SRPK2: variants seen among roughly 807,000 people sequenced by gnomAD.
The protein encoded by SRPK2 is SFRS protein kinase 2.
In SRPK2, 21 loss-of-function variants were observed where a neutral mutation model predicts 90.8. That is an observed-to-expected ratio of 0.23 (90% CI 0.16 to 0.33). SRPK2 has a LOEUF of 0.33. Ranked by LOEUF, SRPK2 falls within the 10% of genes least tolerant of loss-of-function variation. SRPK2 has a pLI of 1.00. For missense variants in SRPK2, 620 were observed against 869.0 expected, an observed-to-expected ratio of 0.71 and a Z score of 3.60; for synonymous variants, 288 against 311.1, an observed-to-expected ratio of 0.93 and a Z score of 0.78.
chr7:105,371,443 A>G (rs1421817525), intron 2 of SRPK2, among the ~76,000 whole-genome samples: 3 of 151,322 alleles, frequency 2.0e-5, no homozygotes, highest in African/African-American at 7.3e-5. Flanking sequence ...TGTCAGTATC[A>G]TATATGAATT....
chr7:105,295,345 T>C (rs1662052835), intron 2 of SRPK2, among the ~76,000 whole-genome samples: 1 of 151,770 alleles, frequency 6.6e-6, no homozygotes, highest in African/African-American at 2.4e-5. Context: ...ACATATTATA[T>C]AAATATTTTT....
chr7:105,228,231 GA>G (rs1360338366), intron 2 of SRPK2, among the ~76,000 whole-genome samples: 1 of 152,098 alleles, frequency 6.6e-6, no homozygotes, highest in Non-Finnish European at 1.5e-5. Flanking sequence ...ACAAAGACTG[GA>G]AAAATCTCAG....
At chr7:105,167,643 C>A (rs2129585920) in intron 5 of SRPK2, among the ~76,000 whole-genome samples, 179 bp from the exon 6 acceptor site, 1 of 152,114 alleles carries the variant, frequency 6.6e-6, no homozygotes, top group East Asian at 1.9e-4. Context: ...CAGAGTCTTG[C>A]TCTATCGCCC....
At position 105,167,419 on chromosome 7, in the gene SRPK2, G is replaced by C; in HGVS notation, c.472C>G (p.Gln158Glu). The change falls in exon 6 of 16, where the codon CAG (glutamine) becomes GAG (glutamate). Residue 158 changes from glutamine (Q) to glutamate (E), a missense_variant. Gln to Glu is a conservative substitution (Grantham distance 29). Coordinates refer to ENST00000393651, the MANE Select transcript of SRPK2 (RefSeq NM_182692.3). ...PSDPNKDMVV[Q>E]LIDDFKISGM... ...GAAATCTTGAAGTCGTCAATGAGCT[G>C]GACCACCATGTCTTTGTTTGGGTCA... 6.2e-7 allele frequency: 1 copy of C among 1,613,622 alleles called. No homozygotes were observed. Among genetic ancestry groups the C allele is most frequent in the Non-Finnish European group, 8.5e-7 (1 of 1,179,700 alleles).
At chr7:105,293,837 A>C (rs1018736650) in intron 2 of SRPK2, among the ~76,000 whole-genome samples, 5 of 152,200 alleles carry the variant, frequency 3.3e-5, no homozygotes, top group African/African-American at 1.2e-4. Flanking sequence ...TTTCACTATA[A>C]GTCAATGCTT....
chr7:105,190,149 G>A (rs373188937), intron 3 of SRPK2, among the ~76,000 whole-genome samples: 193 of 152,288 alleles, frequency 1.3e-3, no homozygotes, highest in African/African-American at 4.4e-3. Flanking sequence ...TGGATCCTGC[G>A]CTCCCTCTGG....
At chr7:105,376,866 A>C (rs1266242240) in intron 2 of SRPK2, among the ~76,000 whole-genome samples, 1 of 69,608 alleles carries the variant, frequency 1.4e-5, no homozygotes, top group Non-Finnish European at 2.7e-5. Flanking sequence ...TTTAATAAAA[A>C]GCACCTTTTC....
At chr7:105,298,728 G>C (rs1810164446) in intron 2 of SRPK2, 14 of 985,358 alleles carry the variant, frequency 1.4e-5, no homozygotes, top group Non-Finnish European at 1.7e-5. Context: ...CTCCTCAGCT[G>C]ATGCCTCACG....
At chr7:105,211,726 G>C (rs1426060395) in intron 2 of SRPK2, among the ~76,000 whole-genome samples, 2 of 152,036 alleles carry the variant, frequency 1.3e-5, no homozygotes, top group Non-Finnish European at 1.5e-5. Flanking sequence ...ATTAGATTTG[G>C]GCAGGGACAT....
upstream of SRPK2, among the ~76,000 whole-genome samples, chr7:105,394,254 T>C (rs1257812283): frequency 6.6e-6 from 1 of 151,952 alleles, no homozygotes; most frequent in Admixed American, 6.6e-5. Flanking sequence ...GCGATTCTCC[T>C]GCCTCAGCCT....
chr7:105,230,851 A>T (rs1001491726), intron 2 of SRPK2, among the ~76,000 whole-genome samples: 1 of 152,238 alleles, frequency 6.6e-6, no homozygotes, highest in Non-Finnish European at 1.5e-5. Flanking sequence ...AAAAGTATAC[A>T]ACTATTATCA....
chr7:105,347,618 C>A (rs1431158977), intron 2 of SRPK2, among the ~76,000 whole-genome samples: 1 of 151,952 alleles, frequency 6.6e-6, no homozygotes, highest in Non-Finnish European at 1.5e-5. Context: ...CTTTGGGAGA[C>A]TGAGGCGGGA....
At chr7:105,337,240 T>G (rs1319705664) in intron 2 of SRPK2, among the ~76,000 whole-genome samples, 1 of 152,014 alleles carries the variant, frequency 6.6e-6, no homozygotes, top group Non-Finnish European at 1.5e-5. Flanking sequence ...ACCCCCAGTG[T>G]GATATCTGAA....
intron 11 of SRPK2, among the ~76,000 whole-genome samples, chr7:105,140,685 G>A (rs943225410): frequency 1.9e-4 from 29 of 152,064 alleles, no homozygotes; most frequent in Non-Finnish European, 3.1e-4. Context: ...AACTTCAGCC[G>A]GGCGCGGTGG....
intron 2 of SRPK2, among the ~76,000 whole-genome samples, chr7:105,239,813 G>A (rs1302955710): frequency 6.6e-6 from 1 of 152,216 alleles, no homozygotes; most frequent in African/African-American, 2.4e-5. Context: ...GCTTAACATT[G>A]ATCCTGTTAA....
At chr7:105,225,816 G>T (rs1227338633) in intron 2 of SRPK2, among the ~76,000 whole-genome samples, 1 of 151,070 alleles carries the variant, frequency 6.6e-6, no homozygotes, top group Non-Finnish European at 1.5e-5. Context: ...AAGTAAAAGT[G>T]GGTTATTGGG....
chr7:105,292,497 C>CAAAAAAAAAAAA (rs397889533), intron 2 of SRPK2, among the ~76,000 whole-genome samples: 1 of 74,792 alleles, frequency 1.3e-5, no homozygotes, highest in Non-Finnish European at 2.6e-5. Context: ...GTAAGACTCT[C>CAAAAAAAAAAAA]AAAAAAAAAA....
intron 2 of SRPK2, among the ~76,000 whole-genome samples, chr7:105,345,900 A>G (rs1313955425): frequency 1.3e-5 from 2 of 152,260 alleles, no homozygotes; most frequent in Non-Finnish European, 2.9e-5. Context: ...GCCAGCTTTC[A>G]GCTATGATAC....
chr7:105,140,817 C>T (rs371590150), intron 11 of SRPK2, among the ~76,000 whole-genome samples: 4 of 151,800 alleles, frequency 2.6e-5, no homozygotes, highest in Non-Finnish European at 4.4e-5. Context: ...AAAAATTAGC[C>T]GGGCATGGTG....
Sources: gnomAD v4.1 joint callset for allele counts (sites outside exome capture counted in the v4.1 genomes callset) on GRCh38, gnomAD v4.1.1 for gene constraint, MANE v1.5 for transcripts, NCBI Gene and HGNC (gene_info 2026-07-23, HGNC 2026-07-21) for gene names.